CCDC152: variants seen among roughly 807,000 people sequenced by gnomAD.
CCDC152 encodes the protein coiled-coil domain containing 152, also known as coiled-coil domain-containing protein 152.
Under a neutral mutation model 38.1 loss-of-function variants are expected in CCDC152, and 37 were observed. The observed-to-expected ratio is 0.97, with a 90% CI of 0.75 to 1.28. The LOEUF is 1.28. Among genes scored for constraint, CCDC152 ranks in the 50% most tolerant of loss-of-function variants. The pLI is 0.00. For missense variants in CCDC152, 259 were observed against 292.1 expected (o/e 0.89, Z 0.83); for synonymous variants, 83 against 87.1 (o/e 0.95, Z 0.26).
At chr5:42,789,323 C>T (rs1283929833) in intron 6 of CCDC152, among the ~76,000 whole-genome samples, 2 of 152,144 alleles carry the variant, frequency 1.3e-5, no homozygotes, top group East Asian at 3.8e-4. Context: ...CTCAGTTTTC[C>T]TTTCAGAACA....
chr5:42,796,236 T>TA (rs1442697185), intron 6 of CCDC152, among the ~76,000 whole-genome samples: 3 of 149,624 alleles, frequency 2.0e-5, no homozygotes, highest in African/African-American at 7.4e-5. Flanking sequence ...AAACTTAAAG[T>TA]ATAATAATAA....
At chr5:42,796,383 G>A (rs1036972009) in intron 6 of CCDC152, among the ~76,000 whole-genome samples, 1 of 152,038 alleles carries the variant, frequency 6.6e-6, no homozygotes, top group African/African-American at 2.4e-5. Flanking sequence ...ACAGGAATAA[G>A]AAAGTTGGGA....
At chr5:42,762,405 T>C (rs1759564387) in intron 2 of CCDC152, 38 bp from the exon 3 acceptor site, 1 of 1,084,776 alleles carries the variant, frequency 9.2e-7, no homozygotes, top group Admixed American at 2.5e-5. Flanking sequence ...ACTAGCAGCA[T>C]TGATTTGTTA....
In CCDC152 at chr5:42,800,707, C is replaced by T. The variant is rs1455998398; in HGVS notation, c.*926C>T. 1 of 1,583,862 alleles carries T rather than the reference C, an allele frequency of 6.3e-7. No homozygotes were observed. On this transcript the variant is annotated 3_prime_UTR_variant, in exon 9 of 9. Transcript: ENST00000361970. ...TCTAGACTAAATTGGGGAGTATGTC[C>T]TATTTTAAATATTTAGTTTGAAGGT...
At chr5:42,756,950 T>C (rs1379937689) in intron 1 of CCDC152, 65 bp downstream of exon 1, 2 of 152,736 alleles carry the variant, frequency 1.3e-5, no homozygotes, top group Non-Finnish European at 2.9e-5. Flanking sequence ...CCTTTCTTCA[T>C]ATTTCATTAC....
At position 42,762,556 on chromosome 5, in the gene CCDC152, A is replaced by AT; in HGVS notation, c.193+11dup. ...AGGTCTCCATTAAAGAAGGTTAGTT[A>AT]TTTGCTGCCTGAGGAATGCTAATTC... On this transcript the variant is annotated intron_variant, in intron 3 of 8. Transcript: ENST00000361970. 8.9e-6 allele frequency: 12 copies of AT among 1,354,446 alleles called. No homozygotes were observed. Among genetic ancestry groups the AT allele is most frequent in the Non-Finnish European group, 1.2e-5 (12 of 969,542 alleles). The allele number at this position is 1,354,446 out of a possible 1,614,324, so 83.9% of individuals were successfully genotyped here. A position where few individuals can be genotyped will look rare whatever the true frequency, so the allele number is the denominator to read the frequency against.
chr5:42,795,773 A>C (rs1260169216), intron 6 of CCDC152, among the ~76,000 whole-genome samples: 1 of 152,142 alleles, frequency 6.6e-6, no homozygotes, highest in African/African-American at 2.4e-5. Context: ...TCATGCTGCT[A>C]TAAAGACACA....
intron 4 of CCDC152, among the ~76,000 whole-genome samples, chr5:42,771,460 C>A (rs1759698087): frequency 6.7e-6 from 1 of 149,094 alleles, no homozygotes; most frequent in African/African-American, 2.5e-5. Context: ...TAAAAAACAA[C>A]AGAAAATTTA....
At chr5:42,796,348 C>T (rs544914719) in intron 6 of CCDC152, among the ~76,000 whole-genome samples, 16 of 151,710 alleles carry the variant, frequency 1.1e-4, no homozygotes, top group Middle Eastern at 6.9e-3. Context: ...TTGAGCCTCT[C>T]ATCCTAGATG....
intron 6 of CCDC152, among the ~76,000 whole-genome samples, chr5:42,787,774 T>G (rs1213642915): frequency 6.6e-6 from 1 of 152,212 alleles, no homozygotes; most frequent in East Asian, 1.9e-4. Context: ...TATCAACCCC[T>G]GTTCTTTTTC....
At chr5:42,769,741 T>C (rs1759673300) in intron 4 of CCDC152, 76 bp downstream of exon 4, 3 of 1,404,408 alleles carry the variant, frequency 2.1e-6, no homozygotes, top group Non-Finnish European at 9.4e-7. Flanking sequence ...AGTTTTTACA[T>C]GGTTGATAAT....
chr5:42,792,199 A>G (rs1579721784), intron 6 of CCDC152, among the ~76,000 whole-genome samples: 2 of 152,252 alleles, frequency 1.3e-5, no homozygotes, highest in East Asian at 1.9e-4. Flanking sequence ...TCCAAATTTT[A>G]TCATAGTAGA....
chr5:42,774,524 A>G (rs1472963402), intron 4 of CCDC152, among the ~76,000 whole-genome samples: 1 of 152,120 alleles, frequency 6.6e-6, no homozygotes, highest in African/African-American at 2.4e-5. Context: ...AAAATATCCT[A>G]TTTCAGCTCC....
chr5:42,793,260 G>C (rs1760028874), intron 6 of CCDC152, among the ~76,000 whole-genome samples: 1 of 152,114 alleles, frequency 6.6e-6, no homozygotes, highest in Non-Finnish European at 1.5e-5. Context: ...ACGAAAATCA[G>C]ATCAATGTTT....
intron 5 of CCDC152, among the ~76,000 whole-genome samples, chr5:42,781,516 A>G (rs1168585921): frequency 1.3e-5 from 2 of 151,744 alleles, no homozygotes; most frequent in Admixed American, 1.3e-4. Context: ...AATATCTATT[A>G]AAAGCTATGA....
intron 6 of CCDC152, among the ~76,000 whole-genome samples, chr5:42,792,534 A>AT (rs1388839308): frequency 6.6e-6 from 1 of 152,180 alleles, no homozygotes; most frequent in Non-Finnish European, 1.5e-5. Flanking sequence ...CCACCAGGAC[A>AT]TTTTTCCAGA....
intron 5 of CCDC152, among the ~76,000 whole-genome samples, chr5:42,782,576 A>T (rs1004999204): frequency 6.6e-6 from 1 of 152,084 alleles, no homozygotes; most frequent in African/African-American, 2.4e-5. Context: ...TTTTAGTTGG[A>T]AAGGAGGAAT....
intron 2 of CCDC152, among the ~76,000 whole-genome samples, chr5:42,760,907 T>C (rs1759543670): frequency 6.6e-6 from 1 of 152,348 alleles, no homozygotes; most frequent in African/African-American, 2.4e-5. Flanking sequence ...GAAATATCTG[T>C]CATATTCTTA....
chr5:42,766,358 G>T (rs762331151), intron 3 of CCDC152, among the ~76,000 whole-genome samples: 12 of 152,050 alleles, frequency 7.9e-5, no homozygotes, highest in Non-Finnish European at 1.2e-4. Context: ...CAGCCTGGAG[G>T]CTCTTTGAAA....
Sources: gnomAD v4.1 joint callset for allele counts (sites outside exome capture counted in the v4.1 genomes callset) on GRCh38, gnomAD v4.1.1 for gene constraint, MANE v1.5 for transcripts, NCBI Gene and HGNC (gene_info 2026-07-23, HGNC 2026-07-21) for gene names.